STX8: variants seen among roughly 807,000 people sequenced by gnomAD.
The protein encoded by STX8 is syntaxin 8.
Under a neutral mutation model 37.5 loss-of-function variants are expected in STX8, and 23 were observed. The ratio of observed to expected loss-of-function variants is 0.61; its 90% CI spans 0.44 to 0.87. STX8 has a LOEUF of 0.87. Among genes scored for constraint, STX8 ranks in the 40% least tolerant of loss-of-function variants. STX8 has a pLI of 0.00. For synonymous variants in STX8, 115 were observed against 99.1 expected (o/e 1.16, Z -0.95); for missense variants, 313 against 284.7 (o/e 1.10, Z -0.71).
chr17:9,511,913 T>A (rs1238109483), intron 4 of STX8, among the ~76,000 whole-genome samples: 2 of 151,852 alleles, frequency 1.3e-5, no homozygotes, highest in African/African-American at 4.8e-5. Context: ...AAAATCAACA[T>A]ACAAAAATCA....
At chr17:9,482,862 C>T (rs188950029) in intron 6 of STX8, among the ~76,000 whole-genome samples, 243 of 152,182 alleles carry the variant, frequency 1.6e-3, no homozygotes, top group Middle Eastern at 3.4e-3. Flanking sequence ...TATGGTGAGC[C>T]GAGATCGCGC....
intron 6 of STX8, among the ~76,000 whole-genome samples, chr17:9,485,466 T>C (rs1157516754): frequency 6.6e-6 from 1 of 152,198 alleles, no homozygotes; most frequent in Admixed American, 6.5e-5. Context: ...TAAAAAAATG[T>C]ATGCCTGCTG....
chr17:9,456,561 T>C (rs1905192809), intron 6 of STX8, among the ~76,000 whole-genome samples: 1 of 152,196 alleles, frequency 6.6e-6, no homozygotes, highest in Non-Finnish European at 1.5e-5. Flanking sequence ...ATGTTTCCCT[T>C]CATTTCTTCC....
intron 4 of STX8, among the ~76,000 whole-genome samples, chr17:9,508,454 A>C (rs1315246786): frequency 1.3e-5 from 2 of 152,154 alleles, no homozygotes; most frequent in Admixed American, 1.3e-4. Context: ...AGTCCTCCTG[A>C]GTAGCTGGGA....
intron 6 of STX8, among the ~76,000 whole-genome samples, chr17:9,390,524 A>G (rs529022033): frequency 7.6e-5 from 11 of 144,274 alleles, no homozygotes; most frequent in Non-Finnish European, 1.4e-4. Context: ...CTCCGTCTCA[A>G]AAAAAAAAAA....
intron 7 of STX8, among the ~76,000 whole-genome samples, chr17:9,262,726 T>C (rs1354867392): frequency 6.6e-6 from 1 of 151,918 alleles, no homozygotes; most frequent in Non-Finnish European, 1.5e-5. Context: ...GGACTACAGG[T>C]GCGTGCCAAC....
At chr17:9,389,761 A>G (rs1912146636) in intron 6 of STX8, among the ~76,000 whole-genome samples, 1 of 140,932 alleles carries the variant, frequency 7.1e-6, no homozygotes, top group South Asian at 2.2e-4. Flanking sequence ...ATTTGAAGAC[A>G]AATGTTAAAA....
intron 7 of STX8, among the ~76,000 whole-genome samples, chr17:9,330,408 C>T (rs1205952691): frequency 6.6e-6 from 1 of 152,144 alleles, no homozygotes; most frequent in African/African-American, 2.4e-5. Flanking sequence ...TGCCTGGAGC[C>T]AGGCTCTAAC....
At chr17:9,470,664 A>G (rs911861357) in intron 6 of STX8, among the ~76,000 whole-genome samples, 2 of 152,210 alleles carry the variant, frequency 1.3e-5, no homozygotes, top group African/African-American at 4.8e-5. Context: ...AACATGATAA[A>G]TAAGTCATAT....
At chr17:9,423,408 C>G (rs1429311036) in intron 6 of STX8, among the ~76,000 whole-genome samples, 1 of 152,196 alleles carries the variant, frequency 6.6e-6, no homozygotes, top group Non-Finnish European at 1.5e-5. Context: ...TCACTGCAAC[C>G]TCTGCCTCCC....
At chr17:9,400,412 T>TATTTA (rs200305072) in intron 6 of STX8, among the ~76,000 whole-genome samples, 2 of 148,882 alleles carry the variant, frequency 1.3e-5, no homozygotes, top group African/African-American at 5.0e-5. Context: ...TTTATTTATT[T>TATTTA]TTTTTTTTTT....
chr17:9,383,560 C>T (rs1911889241), intron 6 of STX8, among the ~76,000 whole-genome samples: 1 of 152,156 alleles, frequency 6.6e-6, no homozygotes. Flanking sequence ...TATCTAAGAT[C>T]AGGAACAAGG....
intron 7 of STX8, among the ~76,000 whole-genome samples, chr17:9,355,332 C>CTTTTTTTTT (rs57991262): frequency 3.4e-5 from 4 of 116,248 alleles, no homozygotes; most frequent in African/African-American, 9.8e-5. Context: ...CTTTGTGGAA[C>CTTTTTTTTT]TTTTTTTTTT....
At chr17:9,527,810 A>T (rs1230132186) in intron 4 of STX8, among the ~76,000 whole-genome samples, 9 of 152,206 alleles carry the variant, frequency 5.9e-5, no homozygotes, top group Non-Finnish European at 1.5e-5. Flanking sequence ...TTTAAGAAAA[A>T]GACATGGTGG....
intron 7 of STX8, among the ~76,000 whole-genome samples, chr17:9,374,578 T>C (rs1911521999): frequency 6.6e-6 from 1 of 152,092 alleles, no homozygotes; most frequent in African/African-American, 2.4e-5. Context: ...TTCATCGACA[T>C]GCAAAAACTA....
At chr17:9,557,885 T>C (rs140814609) in intron 2 of STX8, among the ~76,000 whole-genome samples, 4 of 152,278 alleles carry the variant, frequency 2.6e-5, no homozygotes, top group African/African-American at 9.6e-5. Context: ...ACGCAGGAAA[T>C]TGTGTTCCCC....
Position 9,268,669 on chromosome 17 carries a change from A to G in STX8, c.644-18024T>C, listed in dbSNP as rs1370933076. On this transcript the variant is annotated intron_variant, in intron 7 of 7. Transcript: ENST00000306357. Reference sequence around the variant, plus strand: ...CGGAGTTGGCTGTTAGTGTGGCAGCAAACAGCTGGCATTCCTAAGTAAAAA... The same window carrying G: ...CGGAGTTGGCTGTTAGTGTGGCAGCGAACAGCTGGCATTCCTAAGTAAAAA... 2.0e-5 allele frequency among the ~76,000 whole-genome samples: 3 copies of G among 152,212 alleles called. No homozygotes were observed. In the East Asian group the frequency reaches 5.8e-4, roughly 29 times the overall value.
intron 7 of STX8, among the ~76,000 whole-genome samples, chr17:9,333,681 G>A (rs942209707): frequency 5.3e-5 from 8 of 152,192 alleles, no homozygotes; most frequent in Non-Finnish European, 7.3e-5. Flanking sequence ...GAGCCACGGC[G>A]CCTGGCCTAA....
At chr17:9,335,262 C>T (rs545425940) in intron 7 of STX8, among the ~76,000 whole-genome samples, 57 of 152,338 alleles carry the variant, frequency 3.7e-4, no homozygotes, top group African/African-American at 1.3e-3. Flanking sequence ...TGTGCTCTCA[C>T]CATTGCTCCA....
Sources: allele counts gnomAD v4.1 joint callset (sites outside exome capture counted in the v4.1 genomes callset), GRCh38; gene constraint gnomAD v4.1.1; transcripts MANE v1.5; gene names NCBI Gene and HGNC (gene_info 2026-07-23, HGNC 2026-07-21).